Variants in UBLCP1 observed in about 807,000 individuals in gnomAD.
The protein encoded by UBLCP1 is ubiquitin like domain containing CTD phosphatase 1.
A neutral mutation model predicts 42.4 loss-of-function variants in UBLCP1; 28 were observed. The observed-to-expected ratio is 0.66, with a 90% CI of 0.49 to 0.90. The LOEUF is 0.90. Ranked by LOEUF, UBLCP1 falls within the 40% of genes least tolerant of loss-of-function variation. The pLI, the probability that UBLCP1 is intolerant of heterozygous loss-of-function variation, is 0.00. For missense variants in UBLCP1, 279 were observed against 374.5 expected, an observed-to-expected ratio of 0.75 and a Z score of 2.10; for synonymous variants, 122 against 120.8, an observed-to-expected ratio of 1.01 and a Z score of -0.07.
At chr5:159,278,611 C>T (rs747836107) in intron 9 of UBLCP1, among the ~76,000 whole-genome samples, 5 of 152,116 alleles carry the variant, frequency 3.3e-5, no homozygotes, top group Non-Finnish European at 5.9e-5. Flanking sequence ...CTCACTCTGT[C>T]GCCCAGGCTA....
At chr5:159,268,783 G>A (rs1753427872) in intron 1 of UBLCP1, 87 bp from the exon 2 acceptor site, 3 of 974,042 alleles carry the variant, frequency 3.1e-6, no homozygotes, top group African/African-American at 1.7e-5. Context: ...TGTAAAATAA[G>A]GCTTAAACTG....
chr5:159,269,696 G>A (rs1753439900), intron 2 of UBLCP1, among the ~76,000 whole-genome samples: 1 of 152,054 alleles, frequency 6.6e-6, no homozygotes, highest in African/African-American at 2.4e-5. Flanking sequence ...ATAGAATTGG[G>A]GAGAAAATAA....
intron 8 of UBLCP1, 109 bp downstream of exon 8, chr5:159,275,355 A>G: frequency 4.2e-6 from 3 of 714,264 alleles, no homozygotes; most frequent in Non-Finnish European, 4.4e-6. Context: ...TGAGTGAATA[A>G]TAAAGTGGTT....
At chr5:159,279,357 A>G (rs1160289188) in intron 9 of UBLCP1, among the ~76,000 whole-genome samples, 1 of 152,228 alleles carries the variant, frequency 6.6e-6, no homozygotes, top group Non-Finnish European at 1.5e-5. Context: ...TTTGAAATTT[A>G]AAAGTTTCTG....
intron 9 of UBLCP1, among the ~76,000 whole-genome samples, chr5:159,281,602 G>C (rs942346656): frequency 6.6e-6 from 1 of 152,202 alleles, no homozygotes; most frequent in Non-Finnish European, 1.5e-5. Context: ...AGCTAACAGT[G>C]TGGAGGTCAC....
At chr5:159,277,762 C>T (rs191404977) in intron 8 of UBLCP1, among the ~76,000 whole-genome samples, 32 of 152,082 alleles carry the variant, frequency 2.1e-4, no homozygotes, top group African/African-American at 6.3e-4. Context: ...AAAGACAAAA[C>T]GAGTTTTTCC....
At chr5:159,278,202 A>G (rs910609795) in intron 8 of UBLCP1, 36 bp from the exon 9 acceptor site, 9 of 1,419,938 alleles carry the variant, frequency 6.3e-6, no homozygotes, top group African/African-American at 1.4e-5. Flanking sequence ...TGAAATATTG[A>G]TAAAATTTGA....
chr5:159,283,451 G>A (rs956594805), intron 10 of UBLCP1, 112 bp downstream of exon 10: 7 of 939,544 alleles, frequency 7.5e-6, no homozygotes, highest in African/African-American at 1.7e-5. Flanking sequence ...ATTTAAAATA[G>A]GTGACTTCTA....
At chr5:159,279,167 G>A (rs923353246) in intron 9 of UBLCP1, among the ~76,000 whole-genome samples, 1 of 152,184 alleles carries the variant, frequency 6.6e-6, no homozygotes, top group Non-Finnish European at 1.5e-5. Context: ...TTTGGAAACA[G>A]TCTGAGGTTG....
chr5:159,264,128 C>T (rs1469592466), intron 1 of UBLCP1, among the ~76,000 whole-genome samples: 2 of 152,202 alleles, frequency 1.3e-5, no homozygotes, highest in Non-Finnish European at 1.5e-5. Flanking sequence ...TTAGTAGCCT[C>T]ATCTTGTTGA....
chr5:159,268,854 T>G lies in UBLCP1; in HGVS notation c.-46-16T>G. ...AGTATCTATTTTAACTTGTTCATTT[T>G]TGTCTTCCTTTCCAGGTATTTTTTT... On this transcript the variant is annotated splice_polypyrimidine_tract_variant and intron_variant, in intron 1 of 10. Coordinates refer to ENST00000296786, the MANE Select transcript of UBLCP1 (RefSeq NM_145049.5). 6.4e-7 allele frequency: 1 copy of G among 1,554,456 alleles called. No homozygotes were observed. Among genetic ancestry groups the G allele is most frequent in the Non-Finnish European group, 8.7e-7 (1 of 1,144,646 alleles).
chr5:159,281,846 TTAA>T (rs1174449688), intron 9 of UBLCP1, among the ~76,000 whole-genome samples: 5 of 140,362 alleles, frequency 3.6e-5, no homozygotes, highest in Non-Finnish European at 7.7e-5. Flanking sequence ...CTGTGTAAAA[TTAA>T]TAACTAATGA....
Position 159,270,571 on chromosome 5 carries a change from A to T in UBLCP1, c.376A>T (p.Lys126Ter), listed in dbSNP as rs761570960. ...LKISRRVKEY[K>*]VEILNPPREG... ...AATTTCTCGCAGAGTGAAAGAGTAC[A>T]AAGTGGAAATTTTGAATCCTCCCAG... Residue 126 changes from lysine to a stop codon, truncating the protein, a stop_gained, in exon 5 of 11, where the codon AAA becomes TAA. Coordinates refer to ENST00000296786, the MANE Select transcript of UBLCP1 (RefSeq NM_145049.5). LOFTEE classifies it high-confidence loss of function. 6.2e-7 allele frequency: 1 copy of T among 1,611,932 alleles called. No homozygotes were observed.
intron 8 of UBLCP1, among the ~76,000 whole-genome samples, chr5:159,275,669 C>T (rs542362501): frequency 6.6e-6 from 1 of 152,162 alleles, no homozygotes; most frequent in African/African-American, 2.4e-5. Context: ...GCCTCGGCCT[C>T]CCAAAGTGCT....
Position 159,268,872 on chromosome 5 carries a change from ATT to A in UBLCP1, c.-36_-35del. 2 of 1,528,950 alleles carry A rather than the reference ATT, an allele frequency of 1.3e-6. No individual in the cohort carries two copies. The highest frequency in any genetic ancestry group is 1.4e-5 in the African/African-American group (1 of 71,410). 94.7% of individuals were successfully genotyped at this position (1,528,950 alleles called of 1,614,324 possible). ...TTCATTTTTGTCTTCCTTTCCAGGT[ATT>A]TTTTTTTCTGAAGGAAAGCTGCTTC... On this transcript the variant is annotated 5_prime_UTR_variant, in exon 2 of 11. Transcript: ENST00000296786.
intron 9 of UBLCP1, among the ~76,000 whole-genome samples, chr5:159,280,373 G>A (rs919590282): frequency 6.6e-6 from 1 of 152,184 alleles, no homozygotes; most frequent in Non-Finnish European, 1.5e-5. Context: ...CATGATCAGA[G>A]CTCATTGCAG....
In UBLCP1 at chr5:159,285,393, CA is replaced by C. The variant is rs113389967; in HGVS notation, c.*473del. Reference sequence around the variant, plus strand: ...AGTACTTTTCCCTTTAAAAACAAACCAAAAAAAAAAACAAAAAAAAACTTTT... The same window carrying C: ...AGTACTTTTCCCTTTAAAAACAAACCAAAAAAAAAACAAAAAAAAACTTTT... On this transcript the variant is annotated 3_prime_UTR_variant, in exon 11 of 11. Transcript: ENST00000296786. 4.3e-4 allele frequency: 57 copies of C among 132,634 alleles called. No homozygotes were observed. Among genetic ancestry groups the C allele is most frequent in the African/African-American group, 7.4e-4 (27 of 36,352 alleles). 8.2% of individuals were successfully genotyped at this position (132,634 alleles called of 1,614,324 possible). A position where few individuals can be genotyped will look rare whatever the true frequency, so the allele number is the denominator to read the frequency against.
At chr5:159,263,516 G>A (rs533767862) in intron 1 of UBLCP1, among the ~76,000 whole-genome samples, 156 bp downstream of exon 1, 20 of 152,330 alleles carry the variant, frequency 1.3e-4, no homozygotes, top group Non-Finnish European at 2.6e-4. Flanking sequence ...GCCCCGGCCC[G>A]CTTAGTCGCG....
In UBLCP1 at chr5:159,275,218, T is replaced by C; in HGVS notation, c.656T>C (p.Val219Ala). The change falls in exon 8 of 11, where the codon GTA (valine) becomes GCA (alanine). Residue 219 changes from valine to alanine, a missense_variant. By Grantham distance (64) the Val-to-Ala change is moderately conservative. Transcript: ENST00000296786. The stretch of plus-strand genomic sequence containing the variant: ...TTGGATAGTGCTGCTATGATAACAG[T>C]ACATACTCCAAGGAGAGGATTAATA... ...FMLDSAAMIT[V>A]HTPRRGLIDV... 2 of 1,613,004 alleles carry C rather than the reference T, an allele frequency of 1.2e-6. No individual in the cohort carries two copies. Among genetic ancestry groups the C allele is most frequent in the Non-Finnish European group, 1.7e-6 (2 of 1,179,694 alleles).
Sources: allele counts gnomAD v4.1 joint callset (sites outside exome capture counted in the v4.1 genomes callset), GRCh38; gene constraint gnomAD v4.1.1; transcripts MANE v1.5; gene names NCBI Gene and HGNC (gene_info 2026-07-23, HGNC 2026-07-21).